NRXN1: variants seen among roughly 807,000 people sequenced by gnomAD.
NRXN1 encodes neurexin-1.
In NRXN1, 39 loss-of-function variants were observed where a neutral mutation model predicts 150.9. The observed-to-expected ratio is 0.26, with a 90% CI of 0.20 to 0.34. The LOEUF (loss-of-function observed/expected upper bound fraction) is 0.34. Among genes scored for constraint, NRXN1 ranks in the 10% least tolerant of loss-of-function variants. The pLI, the probability that NRXN1 is intolerant of heterozygous loss-of-function variation, is 1.00. For missense variants in NRXN1, 1,815 were observed against 1,949.9 expected (o/e 0.93, Z 1.30); for synonymous variants, 924 against 757.0 (o/e 1.22, Z -3.62).
At chr2:50,776,450 A>T (rs1029295591) in intron 5 of NRXN1, among the ~76,000 whole-genome samples, 11 of 152,068 alleles carry the variant, frequency 7.2e-5, no homozygotes, top group Non-Finnish European at 1.5e-4. Context: ...CAGAGCATTC[A>T]TAATTTTTAA....
chr2:50,310,190 C>T (rs1254453195), intron 17 of NRXN1, among the ~76,000 whole-genome samples: 3 of 152,170 alleles, frequency 2.0e-5, no homozygotes, highest in African/African-American at 7.2e-5. Context: ...TTACACTGCT[C>T]ATAGATTATT....
chr2:50,411,843 T>G (rs1213493504), intron 17 of NRXN1, among the ~76,000 whole-genome samples: 1 of 152,186 alleles, frequency 6.6e-6, no homozygotes, highest in Non-Finnish European at 1.5e-5. Context: ...GAACGGGCCA[T>G]GATGACGATG....
chr2:50,594,388 C>T (rs1348125201), intron 8 of NRXN1, among the ~76,000 whole-genome samples: 1 of 152,004 alleles, frequency 6.6e-6, no homozygotes, highest in Non-Finnish European at 1.5e-5. Flanking sequence ...AGTTCCTGTG[C>T]CCTAAAAAAA....
chr2:50,161,474 C>A (rs945362805), intron 18 of NRXN1, among the ~76,000 whole-genome samples: 1 of 152,206 alleles, frequency 6.6e-6, no homozygotes, highest in East Asian at 1.9e-4. Flanking sequence ...CTGACTGTCA[C>A]TGAGTATACT....
At chr2:50,935,989 T>G (rs1688490677) in intron 2 of NRXN1, among the ~76,000 whole-genome samples, 1 of 152,178 alleles carries the variant, frequency 6.6e-6, no homozygotes, top group African/African-American at 2.4e-5. Context: ...GACCTTTTTA[T>G]GTTAGATTAG....
intron 17 of NRXN1, among the ~76,000 whole-genome samples, chr2:50,323,450 T>C (rs920958018): frequency 2.6e-5 from 4 of 152,098 alleles, no homozygotes; most frequent in South Asian, 4.1e-4. Context: ...ATATGGTGCC[T>C]AGCATGTTCT....
At chr2:50,000,302 C>T (rs1463385204) in intron 21 of NRXN1, among the ~76,000 whole-genome samples, 1 of 152,132 alleles carries the variant, frequency 6.6e-6, no homozygotes, top group East Asian at 1.9e-4. Flanking sequence ...TAAAACAAAG[C>T]CCCAATTTCC....
At chr2:50,906,562 G>T (rs1333093441) in intron 5 of NRXN1, among the ~76,000 whole-genome samples, 1 of 152,036 alleles carries the variant, frequency 6.6e-6, no homozygotes, top group Non-Finnish European at 1.5e-5. Context: ...CTTTGGTTCT[G>T]CATTTTTTAA....
At chr2:50,276,315 C>A (rs776049307) in intron 17 of NRXN1, among the ~76,000 whole-genome samples, 7 of 151,982 alleles carry the variant, frequency 4.6e-5, no homozygotes, top group Admixed American at 3.3e-4. Flanking sequence ...CTCTTTGGAC[C>A]AATAAAAAGC....
intron 17 of NRXN1, among the ~76,000 whole-genome samples, chr2:50,276,340 G>A (rs2070464976): frequency 1.3e-5 from 2 of 152,138 alleles, no homozygotes; most frequent in Non-Finnish European, 2.9e-5. Context: ...AGTATGAGAT[G>A]AACATGATAC....
At chr2:50,772,809 C>G (rs959607408) in intron 5 of NRXN1, among the ~76,000 whole-genome samples, 3 of 152,022 alleles carry the variant, frequency 2.0e-5, no homozygotes, top group Admixed American at 2.0e-4. Context: ...GAGGTGCTTA[C>G]ACTGCCCTTT....
intron 8 of NRXN1, chr2:50,619,061 T>G (rs188278906): frequency 6.6e-6 from 1 of 152,132 alleles, no homozygotes; most frequent in Non-Finnish European, 1.5e-5. Flanking sequence ...GAAGGATAAT[T>G]CAGTAGTAAT....
At chr2:50,542,753 T>C (rs561744880) in intron 9 of NRXN1, among the ~76,000 whole-genome samples, 336 of 152,342 alleles carry the variant, frequency 2.2e-3, no homozygotes, top group African/African-American at 7.8e-3. Context: ...ACATGTGTCC[T>C]GAAATAGACA....
At chr2:50,585,429 A>G (rs983787127) in intron 8 of NRXN1, among the ~76,000 whole-genome samples, 4 of 152,082 alleles carry the variant, frequency 2.6e-5, no homozygotes, top group African/African-American at 9.7e-5. Context: ...CAAGATGAAA[A>G]AGTTTTGGAT....
At chr2:50,512,858 A>G (rs111242163) in intron 12 of NRXN1, among the ~76,000 whole-genome samples, 3,992 of 152,300 alleles carry the variant, frequency 0.026, 67 homozygotes, top group Non-Finnish European at 0.039. Flanking sequence ...CCTCACTGCC[A>G]TACACAGTTT....
At chr2:50,054,500 T>C (rs4971644) in intron 20 of NRXN1, among the ~76,000 whole-genome samples, 108,989 of 152,094 alleles carry the variant, frequency 0.72, 39,466 homozygotes, top group African/African-American at 0.81. Flanking sequence ...TCATTATGAC[T>C]GGCAATTCAT....
intron 2 of NRXN1, among the ~76,000 whole-genome samples, chr2:50,998,640 A>G (rs1223894737): frequency 6.6e-6 from 1 of 152,048 alleles, no homozygotes; most frequent in African/African-American, 2.4e-5. Flanking sequence ...CACATATTTA[A>G]ATGCTCCATT....
At chr2:50,624,630 A>G (rs958282149) in intron 5 of NRXN1, among the ~76,000 whole-genome samples, 2 of 152,018 alleles carry the variant, frequency 1.3e-5, no homozygotes, top group Non-Finnish European at 2.9e-5. Context: ...TTATCTCTGG[A>G]TGGAGGGAGT....
chr2:50,299,713 G>T (rs1052291124), intron 17 of NRXN1, among the ~76,000 whole-genome samples: 3 of 152,096 alleles, frequency 2.0e-5, no homozygotes, highest in African/African-American at 7.2e-5. Context: ...TAGTTAATCT[G>T]TATATCCACA....
Sources: allele counts gnomAD v4.1 joint callset (sites outside exome capture counted in the v4.1 genomes callset), GRCh38; gene constraint gnomAD v4.1.1; transcripts MANE v1.5; gene names NCBI Gene and HGNC (gene_info 2026-07-23, HGNC 2026-07-21).